ME3: variants seen among roughly 807,000 people sequenced by gnomAD.
ME3 encodes the protein NADP-dependent malic enzyme, mitochondrial.
In ME3, 48 loss-of-function variants were observed where a neutral mutation model predicts 68.9. That is an observed-to-expected ratio of 0.70 (90% confidence interval 0.55 to 0.89). The LOEUF (loss-of-function observed/expected upper bound fraction) is 0.89. Ranked by LOEUF, ME3 falls within the 40% of genes least tolerant of loss-of-function variation. ME3 has a pLI of 0.00. For synonymous variants in ME3, 320 were observed against 318.8 expected (o/e 1.00, Z -0.04); for missense variants, 675 against 797.4 (o/e 0.85, Z 1.85).
At chr11:86,604,018 C>T (rs1166487285) in intron 2 of ME3, among the ~76,000 whole-genome samples, 1 of 150,392 alleles carries the variant, frequency 6.6e-6, no homozygotes, top group Non-Finnish European at 1.5e-5. Context: ...ATGGGTGCAG[C>T]ACACCAACGT....
intron 7 of ME3, among the ~76,000 whole-genome samples, chr11:86,484,402 C>T (rs1162114696): frequency 6.6e-6 from 1 of 152,142 alleles, no homozygotes; most frequent in Non-Finnish European, 1.5e-5. Flanking sequence ...CTACAGTATC[C>T]ACAGAAACAT....
At chr11:86,573,652 A>T (rs1269661254) in intron 2 of ME3, among the ~76,000 whole-genome samples, 1 of 152,012 alleles carries the variant, frequency 6.6e-6, no homozygotes, top group Non-Finnish European at 1.5e-5. Flanking sequence ...CCCTGGCCAG[A>T]ACTTCCAATA....
At chr11:86,664,507 T>A (rs1384369415) in intron 2 of ME3, among the ~76,000 whole-genome samples, 2 of 152,204 alleles carry the variant, frequency 1.3e-5, no homozygotes, top group Non-Finnish European at 2.9e-5. Context: ...CATCTTCAGG[T>A]TCCAGGAACA....
At chr11:86,453,084 T>A (rs1949723574) in intron 8 of ME3, among the ~76,000 whole-genome samples, 1 of 151,672 alleles carries the variant, frequency 6.6e-6, no homozygotes, top group African/African-American at 2.4e-5. Flanking sequence ...CTGCAACCTC[T>A]GCCTCCTGGA....
intron 4 of ME3, among the ~76,000 whole-genome samples, chr11:86,511,004 C>G (rs1183611864): frequency 6.6e-6 from 1 of 152,196 alleles, no homozygotes; most frequent in African/African-American, 2.4e-5. Context: ...TGAAATCATC[C>G]TTGATGGTCT....
intron 2 of ME3, among the ~76,000 whole-genome samples, chr11:86,654,524 A>C (rs1416175763): frequency 3.3e-5 from 5 of 152,244 alleles, no homozygotes; most frequent in Non-Finnish European, 7.3e-5. Context: ...GATGCAGAAA[A>C]GGCCTTTGAC....
intron 2 of ME3, among the ~76,000 whole-genome samples, chr11:86,636,444 A>C (rs1944341057): frequency 6.6e-6 from 1 of 152,160 alleles, no homozygotes; most frequent in South Asian, 2.1e-4. Flanking sequence ...GTAGTGGCTG[A>C]GCACTGCCCA....
chr11:86,550,291 C>T (rs149102195), intron 4 of ME3, among the ~76,000 whole-genome samples: 391 of 152,236 alleles, frequency 2.6e-3, no homozygotes, highest in African/African-American at 8.4e-3. Context: ...GTTACTAGAT[C>T]ATAAAATGTT....
At chr11:86,623,878 T>C (rs1943499081) in intron 2 of ME3, among the ~76,000 whole-genome samples, 1 of 152,120 alleles carries the variant, frequency 6.6e-6, no homozygotes. Flanking sequence ...AGTAGATGTC[T>C]TCTGAAATGT....
intron 8 of ME3, among the ~76,000 whole-genome samples, chr11:86,464,871 A>G (rs534258000): frequency 6.6e-6 from 1 of 152,376 alleles, no homozygotes; most frequent in South Asian, 2.1e-4. Flanking sequence ...CTACCTCTGA[A>G]GTAGTAATGA....
intron 2 of ME3, among the ~76,000 whole-genome samples, chr11:86,605,513 A>G (rs1594638566): frequency 6.6e-6 from 1 of 152,228 alleles, no homozygotes; most frequent in East Asian, 1.9e-4. Flanking sequence ...TTAATTTAGC[A>G]TAAGGCCAGT....
At chr11:86,621,334 A>G (rs186243920) in intron 2 of ME3, among the ~76,000 whole-genome samples, 1 of 152,162 alleles carries the variant, frequency 6.6e-6, no homozygotes, top group Non-Finnish European at 1.5e-5. Flanking sequence ...CATGGGATTT[A>G]AGAATAATTA....
chr11:86,649,547 T>C (rs952090911), intron 2 of ME3, among the ~76,000 whole-genome samples: 7 of 152,224 alleles, frequency 4.6e-5, no homozygotes, highest in African/African-American at 1.4e-4. Context: ...GATGACATGA[T>C]TGTATATTTA....
chr11:86,505,056 A>G (rs888333105), intron 5 of ME3, among the ~76,000 whole-genome samples: 6 of 152,192 alleles, frequency 3.9e-5, no homozygotes, highest in Non-Finnish European at 8.8e-5. Context: ...AACTTCTCCC[A>G]GTGACTGTGG....
At chr11:86,456,837 G>A (rs1314554765) in intron 8 of ME3, among the ~76,000 whole-genome samples, 1 of 152,206 alleles carries the variant, frequency 6.6e-6, no homozygotes, top group Non-Finnish European at 1.5e-5. Context: ...GCTCTGTGCT[G>A]TGTGCTTACC....
At chr11:86,519,939 G>A (rs1333749094) in intron 4 of ME3, among the ~76,000 whole-genome samples, 1 of 152,184 alleles carries the variant, frequency 6.6e-6, no homozygotes, top group Admixed American at 6.5e-5. Context: ...TGCGGGATGG[G>A]GTGGCCACAG....
At chr11:86,601,430 A>G (rs1295546370) in intron 2 of ME3, among the ~76,000 whole-genome samples, 2 of 152,138 alleles carry the variant, frequency 1.3e-5, no homozygotes, top group Admixed American at 6.5e-5. Flanking sequence ...GAATAGACCA[A>G]TAACAGGCTC....
chr11:86,641,327 A>T (rs547330123), intron 2 of ME3, among the ~76,000 whole-genome samples: 2 of 152,358 alleles, frequency 1.3e-5, no homozygotes, highest in South Asian at 4.1e-4. Context: ...TTGACCAAAG[A>T]TGCTAATGAA....
chr11:86,570,936 C>T (rs980261502), intron 2 of ME3, among the ~76,000 whole-genome samples: 3 of 152,154 alleles, frequency 2.0e-5, no homozygotes, highest in African/African-American at 7.2e-5. Context: ...CTGTGTGATC[C>T]TGGAGAAATT....
Sources: allele counts gnomAD v4.1 joint callset (sites outside exome capture counted in the v4.1 genomes callset), GRCh38; gene constraint gnomAD v4.1.1; transcripts MANE v1.5; gene names NCBI Gene and HGNC (gene_info 2026-07-23, HGNC 2026-07-21).